The following WWOX variants were observed in gnomAD, a reference collection of about 807,000 sequenced individuals.
The protein encoded by WWOX is WW domain-containing oxidoreductase.
A neutral mutation model predicts 46.2 loss-of-function variants in WWOX; 69 were observed. The observed-to-expected ratio is 1.49, with a 90% CI of 1.23 to 1.82. The LOEUF (loss-of-function observed/expected upper bound fraction) is 1.82, where lower values mean the gene tolerates loss of function less well. Ranked by LOEUF, WWOX falls within the 40% of genes most tolerant of loss-of-function variation. The pLI, the probability that WWOX is intolerant of heterozygous loss-of-function variation, is 0.00. For synonymous variants in WWOX, 359 were observed against 202.6 expected (o/e 1.77, Z -6.56); for missense variants, 919 against 542.6 (o/e 1.69, Z -6.89).
intron 8 of WWOX, among the ~76,000 whole-genome samples, chr16:78,753,839 T>A (rs1295848474): frequency 1.0e-3 from 102 of 99,410 alleles, no homozygotes; most frequent in African/African-American, 4.3e-3. Context: ...TATATATATA[T>A]ATATATATAT....
At chr16:78,101,278 A>C (rs1458633311) in intron 1 of WWOX, among the ~76,000 whole-genome samples, 2 of 140,814 alleles carry the variant, frequency 1.4e-5, no homozygotes, top group Non-Finnish European at 3.0e-5. Flanking sequence ...CGATCTCCTG[A>C]CCTCGTGATC....
intron 8 of WWOX, among the ~76,000 whole-genome samples, chr16:78,711,833 G>T (rs917330811): frequency 2.0e-5 from 3 of 152,134 alleles, no homozygotes; most frequent in Non-Finnish European, 4.4e-5. Context: ...AAATGCACGA[G>T]TATTGATCAC....
intron 8 of WWOX, among the ~76,000 whole-genome samples, chr16:78,905,437 A>C (rs1567639414): frequency 6.6e-6 from 1 of 152,160 alleles, no homozygotes; most frequent in Non-Finnish European, 1.5e-5. Flanking sequence ...CTGGAGTGCA[A>C]GTGGCCCAAT....
At chr16:78,910,125 C>T (rs531016142) in intron 8 of WWOX, among the ~76,000 whole-genome samples, 3 of 151,686 alleles carry the variant, frequency 2.0e-5, no homozygotes, top group Non-Finnish European at 4.4e-5. Flanking sequence ...GTTAAATATT[C>T]CTCGTCTGTC....
chr16:78,113,250 T>G lies in WWOX; in HGVS notation c.231-1726T>G, dbSNP rs11645081. ...GGGGTGGGGCTTGCAATCTGCGCTC[T>G]AATAGTCATCCAGGGGATCCTGATG... is the stretch of plus-strand genomic sequence containing the variant. On this transcript the variant is annotated intron_variant, in intron 3 of 8. Coordinates refer to ENST00000566780, the MANE Select transcript of WWOX (RefSeq NM_016373.4). 3.2e-3 allele frequency among the ~76,000 whole-genome samples: 494 copies of G among 152,318 alleles called. 3 individuals are homozygous for G. Among genetic ancestry groups the G allele is most frequent in the Middle Eastern group, 0.027 (8 of 294 alleles).
intron 8 of WWOX, among the ~76,000 whole-genome samples, chr16:78,556,168 C>T (rs563266447): frequency 1.3e-4 from 20 of 151,882 alleles, no homozygotes; most frequent in Admixed American, 1.2e-3. Context: ...TTAGGCCCTC[C>T]TTATAATTTT....
At chr16:78,925,310 C>A (rs1309033445) in intron 8 of WWOX, among the ~76,000 whole-genome samples, 2 of 152,168 alleles carry the variant, frequency 1.3e-5, no homozygotes, top group Non-Finnish European at 2.9e-5. Flanking sequence ...GAAAATAACC[C>A]CTCAACTGCC....
intron 8 of WWOX, among the ~76,000 whole-genome samples, chr16:78,725,426 C>T (rs146540317): frequency 7.7e-4 from 106 of 137,926 alleles, no homozygotes; most frequent in African/African-American, 2.8e-3. Flanking sequence ...GGGCTCCCTG[C>T]AAACTCCACT....
At chr16:78,187,142 C>G (rs879298681) in intron 5 of WWOX, among the ~76,000 whole-genome samples, 1 of 152,180 alleles carries the variant, frequency 6.6e-6, no homozygotes, top group Admixed American at 6.5e-5. Flanking sequence ...TGAGTTATAT[C>G]TTAACCAGGT....
Position 78,106,431 on chromosome 16 carries a change from T to G in WWOX, c.108-1992T>G, listed in dbSNP as rs528253322. On this transcript the variant is annotated intron_variant, in intron 1 of 8. Transcript: ENST00000566780. The stretch of plus-strand genomic sequence containing the variant: ...GAACGGTTTTTTTTTGTTTTTTTTT[T>G]TTTTTTTTGAGATGGAGTTTCACAA... 1.6e-3 allele frequency among the ~76,000 whole-genome samples: 239 copies of G among 148,608 alleles called. 2 individuals are homozygous for G. Among genetic ancestry groups the G allele is most frequent in the South Asian group, 2.6e-3 (12 of 4,628 alleles).
In WWOX at chr16:78,347,302, C is replaced by A. The variant is rs1466448498; in HGVS notation, c.517-39558C>A. On this transcript the variant is annotated intron_variant, in intron 5 of 8. Coordinates refer to ENST00000566780, the MANE Select transcript of WWOX (RefSeq NM_016373.4). ...GGCCAATGCTCCTTCCCCTGTAGAT[C>A]ATACCCATTCCCAAGATTTCAGTCA... Among the ~76,000 whole-genome samples the A allele has an allele frequency of 5.2e-5, 6 of 116,150 alleles. 1 individual carries two copies. The highest frequency in any genetic ancestry group is 1.8e-4 in the African/African-American group (6 of 34,070). The allele number at this position is 116,150 out of a possible 152,430, so 76.2% of individuals were successfully genotyped here. A position where few individuals can be genotyped will look rare whatever the true frequency, so the allele number is the denominator to read the frequency against.
chr16:78,463,164 C>G (rs922668236), intron 8 of WWOX, among the ~76,000 whole-genome samples: 1 of 152,048 alleles, frequency 6.6e-6, no homozygotes, highest in Non-Finnish European at 1.5e-5. Context: ...AGTGAAAACG[C>G]GAAAGAAAAT....
chr16:79,150,476 C>G (rs1276361632), intron 8 of WWOX, among the ~76,000 whole-genome samples: 1 of 152,088 alleles, frequency 6.6e-6, no homozygotes, highest in African/African-American at 2.4e-5. Context: ...AAATCTATGT[C>G]CCCAATATAG....
chr16:78,603,340 A>G (rs1329253633), intron 8 of WWOX, among the ~76,000 whole-genome samples: 1 of 152,198 alleles, frequency 6.6e-6, no homozygotes, highest in African/African-American at 2.4e-5. Flanking sequence ...AAAAGATCTC[A>G]TTCTGAGTAT....
chr16:78,494,780 T>C (rs1433427744), intron 8 of WWOX, among the ~76,000 whole-genome samples: 1 of 152,182 alleles, frequency 6.6e-6, no homozygotes, highest in Non-Finnish European at 1.5e-5. Context: ...CCCCCATCTT[T>C]ATGGTATGGC....
chr16:78,357,760 C>T (rs1003550469), intron 5 of WWOX, among the ~76,000 whole-genome samples: 3 of 152,184 alleles, frequency 2.0e-5, no homozygotes, highest in Non-Finnish European at 2.9e-5. Flanking sequence ...TAATTTATAG[C>T]TTGCTGCACT....
At chr16:78,445,430 G>A (rs913474906) in intron 8 of WWOX, among the ~76,000 whole-genome samples, 1 of 152,156 alleles carries the variant, frequency 6.6e-6, no homozygotes, top group African/African-American at 2.4e-5. Context: ...GCTAGGGACA[G>A]AATGCTGTAC....
chr16:78,445,886 G>A (rs568378032), intron 8 of WWOX, among the ~76,000 whole-genome samples: 1 of 149,986 alleles, frequency 6.7e-6, no homozygotes, highest in East Asian at 2.0e-4. Flanking sequence ...TTGGGGCGGG[G>A]GGCAGGGCAG....
rs534032284 is a variant in WWOX at position 79,151,006 on chromosome 16, C to T, written c.1057-60602C>T. ...ATTTGAGGCTTTGTAGGACGTTGCA[C>T]AGGAATTATTTCCCTTTTAAACGTT... On this transcript the variant is annotated intron_variant, in intron 8 of 8. Coordinates refer to ENST00000566780, the MANE Select transcript of WWOX (RefSeq NM_016373.4). Among the ~76,000 whole-genome samples, 8 of 152,294 alleles carry T rather than the reference C, an allele frequency of 5.3e-5. No individual in the cohort carries two copies. In the East Asian group the frequency reaches 1.5e-3, roughly 29 times the overall value.
Sources: gnomAD v4.1 joint callset for allele counts (sites outside exome capture counted in the v4.1 genomes callset) on GRCh38, gnomAD v4.1.1 for gene constraint, MANE v1.5 for transcripts, NCBI Gene and HGNC (gene_info 2026-07-23, HGNC 2026-07-21) for gene names.